The following ARFGEF3 variants were observed in gnomAD, a reference collection of about 807,000 sequenced individuals.
ARFGEF3 encodes the protein brefeldin A-inhibited guanine nucleotide-exchange protein 3.
A neutral mutation model predicts 221.7 loss-of-function variants in ARFGEF3; 96 were observed. The observed-to-expected ratio is 0.43, with a 90% CI of 0.37 to 0.51. ARFGEF3 has a LOEUF of 0.51. Among genes scored for constraint, ARFGEF3 ranks in the 20% least tolerant of loss-of-function variants. ARFGEF3 has a pLI of 0.00. For synonymous variants in ARFGEF3, 1,145 were observed against 1,126.8 expected (o/e 1.02, Z -0.32); for missense variants, 2,410 against 2,789.9 (o/e 0.86, Z 3.07).
In ARFGEF3 at chr6:138,230,086, C is replaced by A. The variant is rs372285048; in HGVS notation, c.420+234C>A. On this transcript the variant is annotated intron_variant, in intron 5 of 33. Transcript: ENST00000251691. The stretch of plus-strand genomic sequence containing the variant: ...ATGCTTACGTTTGCTTCACTTGAGG[C>A]CTTCACTATGTAAATAACAGTACTG... Among the ~76,000 whole-genome samples the A allele has an allele frequency of 5.3e-5, 8 of 152,094 alleles. No homozygotes were observed. The East Asian group carries it at 5.8e-4, about 11-fold the overall frequency.
At chr6:138,305,567 C>T (rs7762903) in intron 22 of ARFGEF3, among the ~76,000 whole-genome samples, 3,744 of 145,982 alleles carry the variant, frequency 0.026, 129 homozygotes, top group African/African-American at 0.078. Context: ...GCCGTGATCA[C>T]ATGCCACTAC....
rs117632622 is a variant in ARFGEF3, at chr6:138,171,153, C to T, written c.137+440C>T. On this transcript the variant is annotated intron_variant, in intron 2 of 33. Transcript: ENST00000251691. ...CCAACACTTACTTTTGGTGGGGACA[C>T]GTTCATATGATAGCATAGCATTTTA... 3.8e-3 allele frequency among the ~76,000 whole-genome samples: 579 copies of T among 151,766 alleles called. 19 individuals are homozygous for T. In the East Asian group the frequency reaches 0.087, roughly 23 times the overall value.
chr6:138,187,948 T>TG (rs981843366), intron 2 of ARFGEF3, among the ~76,000 whole-genome samples: 2 of 152,144 alleles, frequency 1.3e-5, no homozygotes, highest in East Asian at 1.9e-4. Flanking sequence ...TGAGTGTGTG[T>TG]GGGGGGGTTT....
chr6:138,227,011 C>A (rs903419573), intron 4 of ARFGEF3, among the ~76,000 whole-genome samples: 1 of 151,842 alleles, frequency 6.6e-6, no homozygotes, highest in South Asian at 2.1e-4. Flanking sequence ...ACTTTCCTTT[C>A]ATTATTTCCT....
chr6:138,193,986 C>T lies in ARFGEF3; in HGVS notation c.138-13056C>T, dbSNP rs144875750. Among the ~76,000 whole-genome samples the T allele has an allele frequency of 2.7e-4, 41 of 152,096 alleles. No homozygotes were observed. In the East Asian group the frequency reaches 6.2e-3, roughly 23 times the overall value. The stretch of plus-strand genomic sequence containing the variant: ...TAAGGTTATCAGCATATAAAAAAGA[C>T]GATGGAGCCGGACGCGGTGGCTCAC... On this transcript the variant is annotated intron_variant, in intron 2 of 33. Transcript: ENST00000251691.
At chr6:138,267,189 G>A (rs1252822559) in intron 12 of ARFGEF3, among the ~76,000 whole-genome samples, 1 of 152,116 alleles carries the variant, frequency 6.6e-6, no homozygotes, top group African/African-American at 2.4e-5. Context: ...AAATTATCCA[G>A]GAGGCAGATG....
At chr6:138,187,393 A>G (rs1026045663) in intron 2 of ARFGEF3, among the ~76,000 whole-genome samples, 12 of 152,166 alleles carry the variant, frequency 7.9e-5, no homozygotes, top group African/African-American at 9.7e-5. Context: ...GTCCTTCATG[A>G]TACTGTGACC....
intron 20 of ARFGEF3, among the ~76,000 whole-genome samples, chr6:138,295,670 A>G (rs1470972861): frequency 2.0e-5 from 3 of 152,134 alleles, no homozygotes; most frequent in Non-Finnish European, 4.4e-5. Flanking sequence ...TGCTTTAAAA[A>G]TTAAAGTTAT....
Position 138,224,434 on chromosome 6 carries a change from A to C in ARFGEF3, c.352-5350A>C, listed in dbSNP as rs573587784. On this transcript the variant is annotated intron_variant, in intron 4 of 33. Transcript: ENST00000251691. The stretch of plus-strand genomic sequence containing the variant: ...AGTGTTACCTTACTTGGTTACAAAA[A>C]CTGCCTTTCACCAGTCAGGCCACCT... 2.0e-5 allele frequency among the ~76,000 whole-genome samples: 3 copies of C among 152,318 alleles called. No homozygotes were observed. In the East Asian group the frequency reaches 5.8e-4, roughly 29 times the overall value.
intron 2 of ARFGEF3, among the ~76,000 whole-genome samples, chr6:138,192,927 A>T (rs1777336713): frequency 6.6e-6 from 1 of 152,060 alleles, no homozygotes; most frequent in Non-Finnish European, 1.5e-5. Flanking sequence ...TTTTTATGAT[A>T]GTCTGTTTTC....
In ARFGEF3 at chr6:138,265,114, A is replaced by G. The variant is rs183767938; in HGVS notation, c.2128+1503A>G. 2.3e-3 allele frequency among the ~76,000 whole-genome samples: 353 copies of G among 152,234 alleles called. 3 individuals are homozygous for G. Among genetic ancestry groups the G allele is most frequent in the African/African-American group, 7.7e-3 (319 of 41,524 alleles). On this transcript the variant is annotated intron_variant, in intron 12 of 33. Transcript: ENST00000251691. ...GAGACAGGGTTTCGCTGTGTTAGCCAGGATGGTCTCGATCTCCTGACCTTG... is the reference window on the plus strand; with the variant it reads ...GAGACAGGGTTTCGCTGTGTTAGCCGGGATGGTCTCGATCTCCTGACCTTG...
In ARFGEF3 at chr6:138,163,156, T is replaced by G. The variant is rs140289353; in HGVS notation, c.85+985T>G. Among the ~76,000 whole-genome samples, 22 of 152,342 alleles carry G rather than the reference T, an allele frequency of 1.4e-4. No homozygotes were observed. In the East Asian group the frequency reaches 4.2e-3, roughly 29 times the overall value. ...AGCCTTTAGCAGGTTTTCCACTAAA[T>G]GTAAAATTTTGAGAGTGGTTTAGGT... On this transcript the variant is annotated intron_variant, in intron 1 of 33. Transcript: ENST00000251691.
intron 32 of ARFGEF3, among the ~76,000 whole-genome samples, chr6:138,329,132 T>C (rs1780175591): frequency 6.6e-6 from 1 of 152,248 alleles, no homozygotes; most frequent in Admixed American, 6.5e-5. Flanking sequence ...TTGCCCTTTT[T>C]AAACACTATC....
At chr6:138,201,462 A>C (rs1171801836) in intron 2 of ARFGEF3, among the ~76,000 whole-genome samples, 1 of 152,224 alleles carries the variant, frequency 6.6e-6, no homozygotes, top group African/African-American at 2.4e-5. Context: ...ACTGTGGTAT[A>C]TACATACAAT....
At chr6:138,207,740 G>A (rs1409473592) in intron 3 of ARFGEF3, among the ~76,000 whole-genome samples, 2 of 152,112 alleles carry the variant, frequency 1.3e-5, no homozygotes, top group East Asian at 3.8e-4. Context: ...AAAGTGGTTG[G>A]CCTCTAAGAG....
chr6:138,198,846 G>A (rs1777481008), intron 2 of ARFGEF3, among the ~76,000 whole-genome samples: 1 of 152,236 alleles, frequency 6.6e-6, no homozygotes, highest in South Asian at 2.1e-4. Context: ...GTGGACCTTT[G>A]AATTACCACT....
intron 10 of ARFGEF3, among the ~76,000 whole-genome samples, chr6:138,260,436 C>T (rs559001163): frequency 6.6e-6 from 1 of 152,280 alleles, no homozygotes; most frequent in African/African-American, 2.4e-5. Context: ...TTAGCCTCAA[C>T]TTGACATTTT....
At position 138,188,769 on chromosome 6, in the gene ARFGEF3, C is replaced by T. The variant is rs137863204; in HGVS notation, c.137+18056C>T. Among the ~76,000 whole-genome samples, 642 of 152,308 alleles carry T rather than the reference C, an allele frequency of 4.2e-3. 3 individuals carry two copies. The highest frequency in any genetic ancestry group is 0.016 in the East Asian group (82 of 5,180). ...GCCAGACCTGAGGCTACTTGTTGGGCAGGTTAATGCAGATCTTAGTCAGCT... is the reference window on the plus strand; with the variant it reads ...GCCAGACCTGAGGCTACTTGTTGGGTAGGTTAATGCAGATCTTAGTCAGCT... On this transcript the variant is annotated intron_variant, in intron 2 of 33. Transcript: ENST00000251691.
chr6:138,202,429 G>T (rs1777554017), intron 2 of ARFGEF3, among the ~76,000 whole-genome samples: 1 of 152,104 alleles, frequency 6.6e-6, no homozygotes, highest in Admixed American at 6.6e-5. Context: ...AGCAAAATTA[G>T]TTATGCCCCA....
Sources: allele counts gnomAD v4.1 joint callset (sites outside exome capture counted in the v4.1 genomes callset), GRCh38; gene constraint gnomAD v4.1.1; transcripts MANE v1.5; gene names NCBI Gene and HGNC (gene_info 2026-07-23, HGNC 2026-07-21).